The following FHIT variants were observed in gnomAD, a reference collection of about 807,000 sequenced individuals.
FHIT encodes bis(5'-adenosyl)-triphosphatase.
Under a neutral mutation model 17.9 loss-of-function variants are expected in FHIT, and 19 were observed. The ratio of observed to expected loss-of-function variants is 1.06; its 90% CI spans 0.74 to 1.56. FHIT has a LOEUF of 1.56. Among genes scored for constraint, FHIT ranks in the 40% most tolerant of loss-of-function variants. The pLI, the probability that FHIT is intolerant of heterozygous loss-of-function variation, is 0.00. For synonymous variants in FHIT, 81 were observed against 69.7 expected (o/e 1.16, Z -0.81); for missense variants, 248 against 189.2 (o/e 1.31, Z -1.82).
chr3:60,926,794 T>G (rs1453012807), intron 3 of FHIT, among the ~76,000 whole-genome samples: 2 of 151,806 alleles, frequency 1.3e-5, no homozygotes, highest in Non-Finnish European at 2.9e-5. Flanking sequence ...TCAACAAAAT[T>G]GATAGACTGC....
At chr3:60,098,758 G>A (rs888197245) in intron 5 of FHIT, among the ~76,000 whole-genome samples, 15 of 152,272 alleles carry the variant, frequency 9.9e-5, no homozygotes, top group African/African-American at 3.6e-4. Context: ...TTTATTGTAA[G>A]AAAACAGTAT....
rs113660285 is a variant in FHIT at position 60,610,171 on chromosome 3, G to A, written c.-17-73192C>T. ...CCTAATTTGTTTGTATTAAACCATTGCTGTGCACTTGCATAGTGGGAAGAG... is the reference window on the plus strand; with the variant it reads ...CCTAATTTGTTTGTATTAAACCATTACTGTGCACTTGCATAGTGGGAAGAG... On this transcript the variant is annotated intron_variant, in intron 4 of 9. Transcript: ENST00000492590. Among the ~76,000 whole-genome samples the A allele has an allele frequency of 5.0e-3, 767 of 152,182 alleles. 2 individuals carry two copies. Among genetic ancestry groups the A allele is most frequent in the African/African-American group, 0.017 (711 of 41,522 alleles).
chr3:60,209,086 C>T (rs1433768793), intron 5 of FHIT, among the ~76,000 whole-genome samples: 2 of 152,098 alleles, frequency 1.3e-5, no homozygotes, highest in Non-Finnish European at 2.9e-5. Flanking sequence ...ATACATCATT[C>T]AAATTTCAAA....
intron 2 of FHIT, among the ~76,000 whole-genome samples, chr3:61,166,133 A>G (rs1017650480): frequency 6.6e-6 from 1 of 152,176 alleles, no homozygotes; most frequent in South Asian, 2.1e-4. Context: ...GTTTTTTGTC[A>G]GTCATTTATA....
intron 5 of FHIT, among the ~76,000 whole-genome samples, chr3:60,207,402 A>T (rs1703246875): frequency 6.6e-6 from 1 of 152,108 alleles, no homozygotes; most frequent in African/African-American, 2.4e-5. Context: ...TGGCCTTCCA[A>T]CAGACCTCGA....
chr3:60,821,606 A>G lies in FHIT; in HGVS notation c.-18+313T>C, dbSNP rs192739159. Among the ~76,000 whole-genome samples, 23 of 152,348 alleles carry G rather than the reference A, an allele frequency of 1.5e-4. No individual in the cohort carries two copies. The East Asian group carries it at 3.7e-3, about 24-fold the overall frequency. On this transcript the variant is annotated intron_variant, in intron 4 of 9. Coordinates refer to ENST00000492590, the MANE Select transcript of FHIT (RefSeq NM_002012.4). ...GTGTAACTGCTGGGGGGAGGATAAT[A>G]TAATGGCATGTCAGTCAGGTAACAG...
intron 5 of FHIT, among the ~76,000 whole-genome samples, chr3:60,519,653 A>C (rs1037584770): frequency 1.3e-5 from 2 of 152,250 alleles, no homozygotes; most frequent in Admixed American, 1.3e-4. Context: ...ATATGTATTG[A>C]TACCATAGCT....
intron 1 of FHIT, among the ~76,000 whole-genome samples, chr3:61,247,716 T>C (rs1374926574): frequency 6.6e-6 from 1 of 152,214 alleles, no homozygotes; most frequent in Non-Finnish European, 1.5e-5. Flanking sequence ...AAATACCTGC[T>C]TAAAGTTTTA....
chr3:60,310,867 T>C (rs532410718), intron 5 of FHIT, among the ~76,000 whole-genome samples: 4 of 152,182 alleles, frequency 2.6e-5, no homozygotes, highest in Non-Finnish European at 5.9e-5. Flanking sequence ...CCCATCTGCC[T>C]ATCATTTGTG....
chr3:60,392,328 C>T (rs1701265938), intron 5 of FHIT, among the ~76,000 whole-genome samples: 1 of 152,136 alleles, frequency 6.6e-6, no homozygotes, highest in East Asian at 1.9e-4. Context: ...TTACAAGAAG[C>T]TTATGGGGGC....
At chr3:60,604,237 C>T (rs1004382498) in intron 4 of FHIT, among the ~76,000 whole-genome samples, 1 of 152,064 alleles carries the variant, frequency 6.6e-6, no homozygotes, top group Admixed American at 6.5e-5. Flanking sequence ...ACTGGCAGAA[C>T]CACGCAATTA....
intron 5 of FHIT, among the ~76,000 whole-genome samples, chr3:60,460,349 C>T (rs2107407287): frequency 6.6e-6 from 1 of 152,066 alleles, no homozygotes; most frequent in East Asian, 1.9e-4. Context: ...AATAACCAAC[C>T]ATGGGAATCA....
At chr3:61,093,021 C>T (rs890073707) in intron 2 of FHIT, among the ~76,000 whole-genome samples, 8 of 152,132 alleles carry the variant, frequency 5.3e-5, no homozygotes, top group Admixed American at 5.2e-4. Context: ...GCCCTGAGGG[C>T]ACACAGAGCT....
chr3:60,631,163 C>T (rs559101666), intron 4 of FHIT, among the ~76,000 whole-genome samples: 4 of 152,078 alleles, frequency 2.6e-5, no homozygotes, highest in Middle Eastern at 3.4e-3. Context: ...GAGCTTGAGG[C>T]GCCCCTCCTC....
intron 5 of FHIT, among the ~76,000 whole-genome samples, chr3:60,145,882 G>T (rs1032717872): frequency 2.6e-5 from 4 of 151,992 alleles, no homozygotes; most frequent in African/African-American, 9.7e-5. Flanking sequence ...CCAATTAAGG[G>T]CTCCCCAAGA....
chr3:61,113,915 G>A (rs1019595644), intron 2 of FHIT, among the ~76,000 whole-genome samples: 7 of 152,172 alleles, frequency 4.6e-5, no homozygotes, highest in African/African-American at 1.7e-4. Flanking sequence ...CTCTGTCTGA[G>A]CTGAATAGTC....
At chr3:60,902,668 G>C (rs1370358132) in intron 3 of FHIT, among the ~76,000 whole-genome samples, 1 of 152,190 alleles carries the variant, frequency 6.6e-6, no homozygotes, top group African/African-American at 2.4e-5. Context: ...CCACAAGGGA[G>C]CCCCAACTTG....
intron 1 of FHIT, among the ~76,000 whole-genome samples, chr3:61,221,955 A>C (rs1281309146): frequency 6.6e-6 from 1 of 152,096 alleles, no homozygotes; most frequent in African/African-American, 2.4e-5. Context: ...TCCTACCCTG[A>C]GCCAAGGGTG....
intron 5 of FHIT, among the ~76,000 whole-genome samples, chr3:60,143,332 G>A (rs1417359928): frequency 6.6e-6 from 1 of 152,046 alleles, no homozygotes; most frequent in Non-Finnish European, 1.5e-5. Context: ...CTGATATATG[G>A]GGAGAAGTGA....
Sources: allele counts gnomAD v4.1 joint callset (sites outside exome capture counted in the v4.1 genomes callset), GRCh38; gene constraint gnomAD v4.1.1; transcripts MANE v1.5; gene names NCBI Gene and HGNC (gene_info 2026-07-23, HGNC 2026-07-21).